The following PPFIA2 variants were observed in gnomAD, a reference collection of about 807,000 sequenced individuals.
PPFIA2 encodes the protein PPFI scaffold protein A2.
A neutral mutation model predicts 175.5 loss-of-function variants in PPFIA2; 46 were observed. That is an observed-to-expected ratio of 0.26 (90% CI 0.21 to 0.34). The LOEUF (loss-of-function observed/expected upper bound fraction) is 0.34. Among genes scored for constraint, PPFIA2 ranks in the 10% least tolerant of loss-of-function variants. PPFIA2 has a pLI of 1.00. For synonymous variants in PPFIA2, 568 were observed against 511.4 expected, an observed-to-expected ratio of 1.11 and a Z score of -1.49; for missense variants, 1,179 against 1,506.1, an observed-to-expected ratio of 0.78 and a Z score of 3.60.
intron 4 of PPFIA2, among the ~76,000 whole-genome samples, chr12:81,547,362 CT>C (rs933148235): frequency 2.0e-5 from 3 of 151,722 alleles, no homozygotes; most frequent in Admixed American, 6.6e-5. Context: ...TATTGACTAA[CT>C]TTTTTTTCTT....
chr12:81,475,140 C>T (rs893029052), intron 4 of PPFIA2, among the ~76,000 whole-genome samples: 2 of 152,140 alleles, frequency 1.3e-5, no homozygotes, highest in Non-Finnish European at 2.9e-5. Context: ...TTCTGTCATA[C>T]AAACCTCTGT....
At chr12:81,575,649 A>G (rs1055477202) in intron 4 of PPFIA2, among the ~76,000 whole-genome samples, 1 of 151,800 alleles carries the variant, frequency 6.6e-6, no homozygotes, top group African/African-American at 2.4e-5. Flanking sequence ...ATACTGAGAT[A>G]ACCTGTATGA....
At chr12:81,758,754 G>A (rs531962690) in intron 1 of PPFIA2, 1 of 159,058 alleles carries the variant, frequency 6.3e-6, no homozygotes, top group East Asian at 1.9e-4. Flanking sequence ...CGGCCCCTTT[G>A]CCAGAACAGC....
rs1363354187 is a variant in PPFIA2, at chr12:81,405,841, G to T, written c.708C>A (p.Ser236=). Residue 236 remains serine (S), a synonymous_variant, in exon 8 of 33, where the codon TCC becomes TCA. Transcript: ENST00000549396. ...TCCCTTCAAGATGTTCTGACTCTGT[G>T]GATCCCTCGCTTGATGCCATTTTTC... is the stretch of plus-strand genomic sequence containing the variant. The part of the protein sequence containing the change: ...IQRKMASSEG[S]TESEHLEGME... 3.8e-6 allele frequency: 6 copies of T among 1,582,406 alleles called. No individual in the cohort carries two copies. Among genetic ancestry groups the T allele is most frequent in the Non-Finnish European group, 4.3e-6 (5 of 1,162,372 alleles).
At chr12:81,273,371 A>G (rs1271991572) in intron 28 of PPFIA2, among the ~76,000 whole-genome samples, 1 of 152,202 alleles carries the variant, frequency 6.6e-6, no homozygotes, top group Admixed American at 6.5e-5. Flanking sequence ...GAAAAACAGA[A>G]GAGAATGACA....
intron 17 of PPFIA2, among the ~76,000 whole-genome samples, chr12:81,350,946 T>C (rs1452687947): frequency 1.3e-5 from 2 of 152,104 alleles, no homozygotes; most frequent in Non-Finnish European, 2.9e-5. Context: ...TGTTCACCCA[T>C]TGAAAAAACA....
chr12:81,650,994 C>G (rs1173131117), intron 4 of PPFIA2, among the ~76,000 whole-genome samples: 1 of 152,154 alleles, frequency 6.6e-6, no homozygotes, highest in African/African-American at 2.4e-5. Flanking sequence ...ATTACAGATA[C>G]AGATATAATT....
rs2034555364 is a variant in PPFIA2 at position 81,259,066 on chromosome 12, T to A, written c.*628A>T. 6.0e-6 allele frequency: 1 copy of A among 166,330 alleles called. No individual in the cohort carries two copies. The allele number at this position is 166,330 out of a possible 1,614,324, so 10.3% of individuals were successfully genotyped here. A position where few individuals can be genotyped will look rare whatever the true frequency, so the allele number is the denominator to read the frequency against. On this transcript the variant is annotated 3_prime_UTR_variant, in exon 33 of 33. Coordinates refer to ENST00000549396, the MANE Select transcript of PPFIA2 (RefSeq NM_003625.5). The stretch of plus-strand genomic sequence containing the variant: ...TCTATTTTTGGCTCCGGTTCCAGGT[T>A]AAATCATTCTTTTTTACATGATCAG...
chr12:81,623,817 A>AT (rs1263336213), intron 4 of PPFIA2, among the ~76,000 whole-genome samples: 1 of 151,918 alleles, frequency 6.6e-6, no homozygotes, highest in Non-Finnish European at 1.5e-5. Context: ...AAAAGGGCAA[A>AT]TTTTACTTAG....
intron 24 of PPFIA2, among the ~76,000 whole-genome samples, chr12:81,293,655 G>A (rs1386235488): frequency 6.6e-6 from 1 of 151,936 alleles, no homozygotes; most frequent in Non-Finnish European, 1.5e-5. Context: ...TGTCGGCAAG[G>A]GCACAGAGAA....
chr12:81,609,048 A>C (rs1019072256), intron 4 of PPFIA2, among the ~76,000 whole-genome samples: 2 of 151,964 alleles, frequency 1.3e-5, no homozygotes, highest in African/African-American at 4.8e-5. Context: ...CCCAGGGATT[A>C]TTCAGGAGTA....
intron 3 of PPFIA2, among the ~76,000 whole-genome samples, chr12:81,714,926 CAT>C (rs1300979909): frequency 1.3e-5 from 2 of 151,012 alleles, no homozygotes; most frequent in Non-Finnish European, 3.0e-5. Context: ...TCTAGCAGCA[CAT>C]GTCAGCTCTT....
chr12:81,459,400 TCTTATA>T (rs955902084), intron 4 of PPFIA2, among the ~76,000 whole-genome samples: 10 of 152,114 alleles, frequency 6.6e-5, no homozygotes, highest in African/African-American at 1.4e-4. Context: ...TCAGAAAAAA[TCTTATA>T]CTTATGTATA....
At chr12:81,302,608 CTG>C (rs1302200248) in intron 22 of PPFIA2, 5 of 420,958 alleles carry the variant, frequency 1.2e-5, no homozygotes, top group African/African-American at 4.1e-5. Flanking sequence ...ATACTTGAGA[CTG>C]TGGAAAAACG....
At chr12:81,325,627 A>G in intron 22 of PPFIA2, 150 bp downstream of exon 22, 1 of 551,510 alleles carries the variant, frequency 1.8e-6, no homozygotes, top group Non-Finnish European at 3.2e-6. Flanking sequence ...TAACCAGGAA[A>G]CATAAGCCCT....
In PPFIA2 at chr12:81,358,087, G is replaced by A. The variant is rs538659852; in HGVS notation, c.1768C>T (p.Pro590Ser). Residue 590 changes from proline to serine, a missense_variant, in exon 16 of 33, where the codon CCA (proline) becomes TCA (serine). Coordinates refer to ENST00000549396, the MANE Select transcript of PPFIA2 (RefSeq NM_003625.5). ...RGRMGVRRDE[P>S]KVKSLGDHEW... Reference sequence around the variant, plus strand: ...GTTGAAGTTAAAAGATTAACCTTTGGCTCATCTCTTCGCACACCCATGCGG... The same window carrying A: ...GTTGAAGTTAAAAGATTAACCTTTGACTCATCTCTTCGCACACCCATGCGG... The A allele has an allele frequency of 1.3e-6, 2 of 1,596,040 alleles. No individual in the cohort carries two copies. Among genetic ancestry groups the A allele is most frequent in the South Asian group, 2.3e-5 (2 of 87,180 alleles).
chr12:81,521,205 A>G (rs1047202942), intron 4 of PPFIA2, among the ~76,000 whole-genome samples: 6 of 143,982 alleles, frequency 4.2e-5, no homozygotes, highest in Non-Finnish European at 6.1e-5. Context: ...GAATCACGAG[A>G]AAAAAAAAAA....
At chr12:81,457,958 G>A in intron 4 of PPFIA2, 92 bp from the exon 5 acceptor site, 1 of 802,218 alleles carries the variant, frequency 1.2e-6, no homozygotes. Context: ...AAAGAATGGG[G>A]AAAAATGACC....
At chr12:81,288,835 C>A (rs1390836731) in intron 24 of PPFIA2, among the ~76,000 whole-genome samples, 1 of 151,728 alleles carries the variant, frequency 6.6e-6, no homozygotes, top group Non-Finnish European at 1.5e-5. Flanking sequence ...TTACACCTCA[C>A]TCTCTTTTCA....
Sources: gnomAD v4.1 joint callset for allele counts (sites outside exome capture counted in the v4.1 genomes callset) on GRCh38, gnomAD v4.1.1 for gene constraint, MANE v1.5 for transcripts, NCBI Gene and HGNC (gene_info 2026-07-23, HGNC 2026-07-21) for gene names.